The following DYSF variants were observed in gnomAD, a reference collection of about 807,000 sequenced individuals.
The protein encoded by DYSF is dystrophy-associated fer-1-like 1.
A neutral mutation model predicts 274.9 loss-of-function variants in DYSF; 212 were observed. The ratio of observed to expected loss-of-function variants is 0.77; its 90% CI spans 0.69 to 0.86. DYSF has a LOEUF of 0.86. Ranked by LOEUF, DYSF falls within the 40% of genes least tolerant of loss-of-function variation. DYSF has a pLI of 0.00. For missense variants in DYSF, 2,666 were observed against 2,783.2 expected (o/e 0.96, Z 0.95); for synonymous variants, 1,091 against 1,078.7 (o/e 1.01, Z -0.22).
intron 46 of DYSF, among the ~76,000 whole-genome samples, chr2:71,664,802 G>A (rs899745422): frequency 5.3e-5 from 8 of 152,238 alleles, no homozygotes; most frequent in Non-Finnish European, 1.0e-4. Context: ...GAGGACATGT[G>A]TGCTGCAACT....
At position 71,611,314 on chromosome 2, in the gene DYSF, A is replaced by G. The variant is rs145401010; in HGVS notation, c.4027A>G (p.Ile1343Val). Reference sequence around the variant, plus strand: ...CAACATCTACATGGTTCCTCAGAACATCAAGCCAGCGCTCCAGCGTACCGC... The same window carrying G: ...CAACATCTACATGGTTCCTCAGAACGTCAAGCCAGCGCTCCAGCGTACCGC... ...EANIYMVPQNIKPALQRTAIE... is the reference protein window; with the variant it reads ...EANIYMVPQNVKPALQRTAIE... The change falls in exon 37 of 56, where the codon ATC (isoleucine) becomes GTC (valine). Residue 1343 changes from isoleucine to valine, a missense_variant. Around this residue, in one of 3 missense-constraint regions of DYSF, gnomAD observed 1,460 missense variants for 1,502.1 expected, o/e 0.97. Transcript: ENST00000410020. 1,234 of 1,613,996 alleles carry G rather than the reference A, an allele frequency of 7.6e-4. 4 individuals carry two copies. The African/African-American group carries it at 0.014, about 19-fold the overall frequency.
chr2:71,620,444 G>A, intron 40 of DYSF, 103 bp from the exon 41 acceptor site: 1 of 1,196,304 alleles, frequency 8.4e-7, no homozygotes, highest in Non-Finnish European at 1.2e-6. Context: ...TGGAGGAAGA[G>A]CAGAGGGTGC....
At chr2:71,621,261 G>T (rs141593043) in intron 41 of DYSF, among the ~76,000 whole-genome samples, 69 of 152,268 alleles carry the variant, frequency 4.5e-4, no homozygotes, top group African/African-American at 1.6e-3. Flanking sequence ...TGGCGTAAGA[G>T]ACAGAACTTG....
chr2:71,478,429 T>A (rs1255696606), intron 1 of DYSF, among the ~76,000 whole-genome samples: 1 of 151,944 alleles, frequency 6.6e-6, no homozygotes, highest in Non-Finnish European at 1.5e-5. Flanking sequence ...GCCAGGATGG[T>A]CTCAATCTCC....
intron 1 of DYSF, among the ~76,000 whole-genome samples, chr2:71,470,745 C>T (rs11695052): frequency 0.22 from 21,689 of 100,200 alleles, 2,270 homozygotes; most frequent in East Asian, 0.37. Context: ...TCTTTCCTTC[C>T]TTCCTTCCTT....
At chr2:71,502,019 C>T (rs2085024061) in intron 3 of DYSF, among the ~76,000 whole-genome samples, 1 of 152,008 alleles carries the variant, frequency 6.6e-6, no homozygotes, top group Non-Finnish European at 1.5e-5. Context: ...ACACACCATG[C>T]ACAAGCATTC....
intron 15 of DYSF, 89 bp from the exon 16 acceptor site, chr2:71,535,179 C>G: frequency 6.3e-7 from 1 of 1,599,852 alleles, no homozygotes; most frequent in Non-Finnish European, 8.6e-7. Context: ...AGCATCCTGC[C>G]AGTATCCCAG....
At chr2:71,623,396 A>G (rs997975530) in intron 41 of DYSF, among the ~76,000 whole-genome samples, 3 of 142,848 alleles carry the variant, frequency 2.1e-5, no homozygotes, top group Admixed American at 7.4e-5. Flanking sequence ...TCATTGTTCA[A>G]TTCCCACCTA....
intron 17 of DYSF, chr2:71,549,480 T>G: frequency 7.6e-7 from 1 of 1,315,676 alleles, no homozygotes; most frequent in Non-Finnish European, 1.1e-6. Flanking sequence ...ATGGGGTTTT[T>G]GATTTGCCTG....
intron 40 of DYSF, among the ~76,000 whole-genome samples, chr2:71,614,567 C>T (rs2093841326): frequency 6.6e-6 from 1 of 152,146 alleles, no homozygotes; most frequent in Admixed American, 6.5e-5. Context: ...CCTGGCTCCT[C>T]TTCTCCTGTG....
At chr2:71,515,519 C>G (rs2086563573) in intron 7 of DYSF, 104 bp from the exon 8 acceptor site, 1 of 1,521,574 alleles carries the variant, frequency 6.6e-7, no homozygotes, top group Non-Finnish European at 9.1e-7. Flanking sequence ...CCCCAAGAAG[C>G]CAGTGGTGAG....
chr2:71,472,330 T>G (rs2082090609), intron 1 of DYSF, among the ~76,000 whole-genome samples: 1 of 152,228 alleles, frequency 6.6e-6, no homozygotes, highest in East Asian at 1.9e-4. Context: ...TTTATCCTCC[T>G]GTCAGCCAAG....
chr2:71,507,439 C>G (rs1559032234), intron 4 of DYSF, among the ~76,000 whole-genome samples: 1 of 152,216 alleles, frequency 6.6e-6, no homozygotes, highest in African/African-American at 2.4e-5. Flanking sequence ...TCTTTTCTTT[C>G]TAACATACTC....
At chr2:71,526,406 G>T (rs2087917908) in intron 13 of DYSF, 60 bp downstream of exon 13, 5 of 1,537,016 alleles carry the variant, frequency 3.3e-6, no homozygotes, top group East Asian at 2.3e-5. Context: ...CAGGGCTGGT[G>T]GGGGTGGGCG....
intron 3 of DYSF, among the ~76,000 whole-genome samples, chr2:71,482,271 G>C (rs2082977704): frequency 6.6e-6 from 1 of 152,190 alleles, no homozygotes; most frequent in Non-Finnish European, 1.5e-5. Context: ...GCTTCCTGCT[G>C]CTCCAGCCCA....
At chr2:71,575,506 G>A (rs762247613) in intron 30 of DYSF, among the ~76,000 whole-genome samples, 1 of 152,150 alleles carries the variant, frequency 6.6e-6, no homozygotes, top group Non-Finnish European at 1.5e-5. Context: ...GGGCAGGATA[G>A]GATGGAATTG....
At chr2:71,567,852 G>C in intron 24 of DYSF, 99 bp from the exon 25 acceptor site, 1 of 1,550,320 alleles carries the variant, frequency 6.5e-7, no homozygotes, top group Non-Finnish European at 8.8e-7. Context: ...GTGTCAGCCT[G>C]CTCTACCCAG....
chr2:71,611,425 C>G (rs2303605), intron 37 of DYSF, 40 bp from the exon 38 acceptor site: 228 of 1,613,944 alleles, frequency 1.4e-4, no homozygotes, highest in Admixed American at 5.0e-5. Context: ...TCCTGGGGCC[C>G]GGGGCCTTCT....
rs746155906 is a variant in DYSF at position 71,600,716 on chromosome 2, T to G, written c.3771T>G (p.Phe1257Leu). 4.3e-6 allele frequency: 7 copies of G among 1,614,012 alleles called. No individual in the cohort carries two copies. The highest frequency in any genetic ancestry group is 1.6e-4 in the Middle Eastern group (1 of 6,084). Residue 1257 changes from phenylalanine to leucine, a missense_variant, in exon 34 of 56, where the codon TTT becomes TTG. Physicochemically the swap from Phe to Leu is conservative, Grantham distance 22 (BLOSUM62 0). Transcript: ENST00000410020. ...YDHDTYGADE[F>L]MGRCICQPSL... ...GCTTGGTCTAGGGTGCAGACGAGTT[T>G]ATGGGTCGCTGCATCTGTCAACCGA...
Sources: gnomAD v4.1 joint callset for allele counts (sites outside exome capture counted in the v4.1 genomes callset) on GRCh38, gnomAD v4.1.1 for gene constraint, gnomAD v4.1.1 regional missense constraint, MANE v1.5 for transcripts, NCBI Gene and HGNC (gene_info 2026-07-23, HGNC 2026-07-21) for gene names.